PLOD2: variants seen among roughly 807,000 people sequenced by gnomAD.
PLOD2 encodes the protein lysine hydroxylase 2.
Under a neutral mutation model 101.0 loss-of-function variants are expected in PLOD2, and 65 were observed. The ratio of observed to expected loss-of-function variants is 0.64; its 90% CI spans 0.53 to 0.79. The LOEUF (loss-of-function observed/expected upper bound fraction) is 0.79. PLOD2 is among the 30% of genes least tolerant of loss of function. The probability of loss-of-function intolerance (pLI) is 0.00; values close to 1 mark genes in which losing one functional copy is unlikely to be tolerated. For synonymous variants in PLOD2, 314 were observed against 302.9 expected, an observed-to-expected ratio of 1.04 and a Z score of -0.38; for missense variants, 909 against 914.6, an observed-to-expected ratio of 0.99 and a Z score of 0.08.
At chr3:146,159,049 T>C (rs1327523657) in intron 1 of PLOD2, among the ~76,000 whole-genome samples, 1 of 152,218 alleles carries the variant, frequency 6.6e-6, no homozygotes, top group Non-Finnish European at 1.5e-5. Context: ...GCAGTTTACC[T>C]CTACATTTAT....
Position 146,081,734 on chromosome 3 carries a change from T to G in PLOD2, c.1358+4A>C, listed in dbSNP as rs192503818. On this transcript the variant is annotated splice_donor_region_variant and intron_variant, in intron 12 of 19. Coordinates refer to ENST00000282903, the MANE Select transcript of PLOD2 (RefSeq NM_182943.3). Reference sequence around the variant, plus strand: ...ACATTAAAATATTAAACCAAGTAACTTACACTCTATTCCCTTGAACAATAT... The same window carrying G: ...ACATTAAAATATTAAACCAAGTAACGTACACTCTATTCCCTTGAACAATAT... 5.6e-6 allele frequency: 9 copies of G among 1,602,596 alleles called. No homozygotes were observed. In the African/African-American group the frequency reaches 1.1e-4, roughly 19 times the overall value.
chr3:146,146,327 CATTTGGATGTAAATT>C (rs1323247732), intron 1 of PLOD2, among the ~76,000 whole-genome samples: 5 of 152,240 alleles, frequency 3.3e-5, no homozygotes, highest in African/African-American at 1.2e-4. Context: ...TGGAGCTAAA[CATTTGGATGTAAATT>C]ATACCCCTCC....
At chr3:146,075,107 T>C (rs1936284152) in intron 15 of PLOD2, among the ~76,000 whole-genome samples, 1 of 151,666 alleles carries the variant, frequency 6.6e-6, no homozygotes, top group Non-Finnish European at 1.5e-5. Flanking sequence ...TATGGAATTC[T>C]ACCCTCACGA....
intron 3 of PLOD2, among the ~76,000 whole-genome samples, chr3:146,111,993 G>A (rs1937654015): frequency 6.6e-6 from 1 of 152,172 alleles, no homozygotes; most frequent in Admixed American, 6.5e-5. Flanking sequence ...CCTGGAGATG[G>A]GGAAAAATAG....
rs1202866449 is a variant in PLOD2 at position 146,121,205 on chromosome 3, T to C, written c.245A>G (p.Asn82Ser). Reference protein sequence around the residue: ...GEEWRGGDGINSIGGGQKVRL... With the variant: ...GEEWRGGDGISSIGGGQKVRL... ...CACTTTCTGGCCCCCTCCAATACTA[T>C]TAATTCCATCACCACCTCTCCATTC... The change falls in exon 3 of 20, where the codon AAT (asparagine) becomes AGT (serine). Residue 82 changes from asparagine (N) to serine (S), a missense_variant. Asn to Ser is a conservative substitution (Grantham distance 46). Coordinates refer to ENST00000282903, the MANE Select transcript of PLOD2 (RefSeq NM_182943.3). The C allele has an allele frequency of 1.2e-6, 2 of 1,610,010 alleles. No individual in the cohort carries two copies. Among genetic ancestry groups the C allele is most frequent in the Non-Finnish European group, 1.7e-6 (2 of 1,176,456 alleles).
chr3:146,118,401 G>T (rs6787634), intron 3 of PLOD2, among the ~76,000 whole-genome samples: 37,464 of 151,906 alleles, frequency 0.25, 4,729 homozygotes, highest in East Asian at 0.27. Context: ...ACGGCACTGG[G>T]ACTTCATTAT....
intron 1 of PLOD2, among the ~76,000 whole-genome samples, chr3:146,133,891 C>T (rs192454306): frequency 1.2e-4 from 18 of 152,182 alleles, no homozygotes; most frequent in African/African-American, 4.3e-4. Flanking sequence ...GCTATCTTAA[C>T]AAGAGAAGTG....
intron 7 of PLOD2, among the ~76,000 whole-genome samples, chr3:146,094,223 T>C (rs1188042534): frequency 6.6e-6 from 1 of 152,202 alleles, no homozygotes; most frequent in African/African-American, 2.4e-5. Flanking sequence ...CCCAAATCCT[T>C]TCCTCTTTCT....
intron 1 of PLOD2, among the ~76,000 whole-genome samples, chr3:146,140,454 T>C (rs561071629): frequency 1.4e-4 from 21 of 152,180 alleles, no homozygotes; most frequent in Non-Finnish European, 2.1e-4. Context: ...TCCCCAACAA[T>C]CCTCACTCAT....
intron 1 of PLOD2, among the ~76,000 whole-genome samples, chr3:146,145,114 A>C (rs1288929418): frequency 1.3e-5 from 2 of 152,180 alleles, no homozygotes; most frequent in Non-Finnish European, 2.9e-5. Context: ...AGAATAATTT[A>C]GATGACAAAC....
intron 1 of PLOD2, among the ~76,000 whole-genome samples, chr3:146,156,971 T>C (rs534973343): frequency 6.6e-6 from 1 of 152,216 alleles, no homozygotes. Flanking sequence ...GGTGCCACTT[T>C]GTATTGAGTA....
At chr3:146,160,247 G>A (rs1017866800) in intron 1 of PLOD2, among the ~76,000 whole-genome samples, 1 of 152,198 alleles carries the variant, frequency 6.6e-6, no homozygotes, top group Non-Finnish European at 1.5e-5. Context: ...CTGAAAACGA[G>A]AGACAGCACC....
chr3:146,076,714 A>G (rs1286628851), intron 15 of PLOD2, 68 bp downstream of exon 15: 1 of 813,418 alleles, frequency 1.2e-6, no homozygotes, highest in Non-Finnish European at 2.1e-6. Context: ...ATTTCATATT[A>G]TTAACCAACT....
chr3:146,077,637 C>A, intron 14 of PLOD2: 1 of 430,350 alleles, frequency 2.3e-6, no homozygotes. Context: ...ACTTTGTCAC[C>A]TGTCAGCCAT....
intron 3 of PLOD2, among the ~76,000 whole-genome samples, chr3:146,116,925 A>G (rs936923895): frequency 6.6e-6 from 1 of 152,208 alleles, no homozygotes; most frequent in Admixed American, 6.5e-5. Flanking sequence ...AAGTAAGTTT[A>G]GAATACATAT....
At chr3:146,084,176 C>T (rs1448247760) in intron 11 of PLOD2, among the ~76,000 whole-genome samples, 1 of 151,992 alleles carries the variant, frequency 6.6e-6, no homozygotes, top group Non-Finnish European at 1.5e-5. Flanking sequence ...GTCACAACTG[C>T]TTTTCCTTGC....
At chr3:146,133,082 A>C (rs1415787583) in intron 1 of PLOD2, among the ~76,000 whole-genome samples, 1 of 152,120 alleles carries the variant, frequency 6.6e-6, no homozygotes, top group Non-Finnish European at 1.5e-5. Context: ...AAGCTGAGGC[A>C]GGAGAATGGC....
intron 1 of PLOD2, among the ~76,000 whole-genome samples, chr3:146,154,216 AGTC>A (rs2032196151): frequency 6.6e-6 from 1 of 152,194 alleles, no homozygotes. Flanking sequence ...TTGTATTAAA[AGTC>A]TATTGAGTAT....
intron 2 of PLOD2, chr3:146,123,418 C>T (rs147101838): frequency 4.0e-4 from 97 of 240,802 alleles, no homozygotes; most frequent in African/African-American, 2.0e-3. Context: ...CCTCTGATCA[C>T]TTGTCAATGA....
Sources: gnomAD v4.1 joint callset for allele counts (sites outside exome capture counted in the v4.1 genomes callset) on GRCh38, gnomAD v4.1.1 for gene constraint, MANE v1.5 for transcripts, NCBI Gene and HGNC (gene_info 2026-07-23, HGNC 2026-07-21) for gene names.